The following FAH variants were observed in gnomAD, a reference collection of about 807,000 sequenced individuals.
FAH encodes the protein fumarylacetoacetate hydrolase, also known as fumarylacetoacetase.
In FAH, 47 loss-of-function variants were observed where a neutral mutation model predicts 55.8. The observed-to-expected ratio is 0.84, with a 90% confidence interval of 0.67 to 1.07. The LOEUF (loss-of-function observed/expected upper bound fraction) is 1.07, where lower values mean the gene tolerates loss of function less well. FAH is among the 50% of genes least tolerant of loss of function. The pLI is 0.00. For synonymous variants in FAH, 199 were observed against 207.7 expected (o/e 0.96, Z 0.36); for missense variants, 495 against 545.9 (o/e 0.91, Z 0.93).
chr15:80,185,132 A>G (rs1051758395), intron 13 of FAH, among the ~76,000 whole-genome samples: 9 of 152,138 alleles, frequency 5.9e-5, no homozygotes, highest in African/African-American at 2.2e-4. Flanking sequence ...AATCCTTACA[A>G]CCTTGAGAGA....
At chr15:80,159,340 T>C (rs1428921085) in intron 2 of FAH, among the ~76,000 whole-genome samples, 1 of 151,992 alleles carries the variant, frequency 6.6e-6, no homozygotes, top group African/African-American at 2.4e-5. Context: ...CCCAATGTGC[T>C]GGGATTACAG....
Position 80,180,225 on chromosome 15 carries a change from GGTGA to G in FAH, c.1062+3_1062+6del. ...TGGCTTCTGGGACCATCAGCGGGCC[GGTGA>G]GTATCTGGCTGCACTGAGGGCTGCC... is the stretch of plus-strand genomic sequence containing the variant. On this transcript the variant is annotated splice_donor_variant and splice_donor_region_variant and intron_variant, in intron 12 of 13. Coordinates refer to ENST00000561421, the MANE Select transcript of FAH (RefSeq NM_000137.4). LOFTEE classifies it high-confidence loss of function. 6.2e-7 allele frequency: 1 copy of G among 1,604,214 alleles called. No homozygotes were observed. Among genetic ancestry groups the G allele is most frequent in the Non-Finnish European group, 8.5e-7 (1 of 1,179,114 alleles).
At chr15:80,166,635 CTTTTTTTTTTT>C (rs768001652) in intron 5 of FAH, among the ~76,000 whole-genome samples, 5 of 118,340 alleles carry the variant, frequency 4.2e-5, no homozygotes, top group South Asian at 2.8e-4. Flanking sequence ...TTTGCATTTT[CTTTTTTTTTTT>C]TTTTTTTTGA....
chr15:80,165,083 A>G (rs2041180044), intron 5 of FAH, among the ~76,000 whole-genome samples: 1 of 152,338 alleles, frequency 6.6e-6, no homozygotes, highest in East Asian at 1.9e-4. Flanking sequence ...TCATTTTTAT[A>G]AAAAGATACA....
chr15:80,180,601 G>A (rs145723479), intron 12 of FAH, among the ~76,000 whole-genome samples: 141 of 152,290 alleles, frequency 9.3e-4, no homozygotes, highest in Middle Eastern at 3.4e-3. Flanking sequence ...GTAAGCCTGC[G>A]GGAGTCACAG....
chr15:80,177,171 G>A (rs1269484356), intron 10 of FAH, among the ~76,000 whole-genome samples: 1 of 152,218 alleles, frequency 6.6e-6, no homozygotes, highest in Non-Finnish European at 1.5e-5. Flanking sequence ...GGGACAGCAG[G>A]TTATCCTTGA....
intron 11 of FAH, among the ~76,000 whole-genome samples, chr15:80,179,322 T>C (rs1031233027): frequency 1.3e-5 from 2 of 152,262 alleles, no homozygotes; most frequent in Non-Finnish European, 2.9e-5. Context: ...CTCTGAATCA[T>C]TGAACTATTT....
chr15:80,183,586 C>A (rs1177724109), intron 13 of FAH, among the ~76,000 whole-genome samples: 1 of 152,226 alleles, frequency 6.6e-6, no homozygotes, highest in Non-Finnish European at 1.5e-5. Context: ...TCCTTCTCTG[C>A]ACCTGCTCAG....
intron 13 of FAH, among the ~76,000 whole-genome samples, chr15:80,182,539 A>C (rs568291096): frequency 7.5e-4 from 114 of 152,206 alleles, no homozygotes; most frequent in Non-Finnish European, 1.3e-3. Flanking sequence ...CAGCCTAATT[A>C]TACCTCTCTA....
chr15:80,181,736 C>G (rs2041332750), intron 13 of FAH, among the ~76,000 whole-genome samples: 1 of 152,040 alleles, frequency 6.6e-6, no homozygotes. Flanking sequence ...CTCAGTTTAC[C>G]TCATCTTTAA....
chr15:80,178,620 G>A (rs981800227), intron 11 of FAH, among the ~76,000 whole-genome samples: 2 of 146,432 alleles, frequency 1.4e-5, no homozygotes, highest in East Asian at 2.0e-4. Context: ...AGTCTCGCTC[G>A]TTGCCCAGGC....
At chr15:80,170,606 C>A (rs2041232468) in intron 7 of FAH, among the ~76,000 whole-genome samples, 1 of 152,202 alleles carries the variant, frequency 6.6e-6, no homozygotes, top group African/African-American at 2.4e-5. Context: ...GCATCTGAGC[C>A]CTGGTTTGGG....
chr15:80,162,505 C>T (rs1454798835), intron 5 of FAH, 169 bp downstream of exon 5: 4 of 697,550 alleles, frequency 5.7e-6, no homozygotes, highest in East Asian at 5.4e-5. Flanking sequence ...GTCTCCTGCT[C>T]AGCTTGGCTT....
chr15:80,172,878 G>T, intron 8 of FAH, 136 bp from the exon 9 acceptor site: 1 of 1,183,406 alleles, frequency 8.5e-7, no homozygotes, highest in Non-Finnish European at 1.3e-6. Flanking sequence ...TTTGTCCTGG[G>T]GCAGCCTGAC....
chr15:80,178,086 G>A (rs2041299000), intron 11 of FAH, among the ~76,000 whole-genome samples: 1 of 152,104 alleles, frequency 6.6e-6, no homozygotes, highest in African/African-American at 2.4e-5. Flanking sequence ...TGTGGTCCCG[G>A]CTACTTGGGA....
rs147099660 is a variant in FAH at position 80,173,103 on chromosome 15, A to G, written c.796A>G (p.Met266Val). 2.5e-6 allele frequency: 4 copies of G among 1,614,178 alleles called. No individual in the cohort carries two copies. Among genetic ancestry groups the G allele is most frequent in the Admixed American group, 1.7e-5 (1 of 60,024 alleles). Residue 266 changes from methionine (M) to valine (V), a missense_variant, in exon 9 of 14, where the codon ATG (methionine) becomes GTG (valine). Coordinates refer to ENST00000561421, the MANE Select transcript of FAH (RefSeq NM_000137.4). ...GTTVSPWVVP[M>V]DALMPFAVPN... ...CACTGTCTCTCCGTGGGTGGTGCCC[A>G]TGGATGCTCTCATGCCCTTTGCTGT...
chr15:80,153,171 G>GGGGAGT lies in FAH; in HGVS notation c.81+38_81+39insGAGTGG, dbSNP rs1555440094. ...GGGCTTTGGCGTCCGGGCGCGGGGA[G>GGGGAGT]GGAGTGGAGTGGAGTGGAGTGGAGT... On this transcript the variant is annotated intron_variant, in intron 1 of 13. Coordinates refer to ENST00000561421, the MANE Select transcript of FAH (RefSeq NM_000137.4). 9,746 of 1,250,084 alleles carry GGGGAGT rather than the reference G, an allele frequency of 7.8e-3. 707 individuals carry two copies. In the African/African-American group the frequency reaches 0.13, roughly 17 times the overall value. The allele number at this position is 1,250,084 out of a possible 1,614,324, so 77.4% of individuals were successfully genotyped here.
chr15:80,180,320 T>A (rs2041320572), intron 12 of FAH, 95 bp downstream of exon 12: 1 of 984,310 alleles, frequency 1.0e-6, no homozygotes, highest in Admixed American at 1.9e-5. Flanking sequence ...AGAAGAGATT[T>A]CAGGCCCGAG....
At chr15:80,169,425 C>T (rs1026004648) in intron 7 of FAH, among the ~76,000 whole-genome samples, 1 of 152,070 alleles carries the variant, frequency 6.6e-6, no homozygotes, top group Non-Finnish European at 1.5e-5. Context: ...TAATAATTAC[C>T]ACGAGTGACA....
Sources: gnomAD v4.1 joint callset for allele counts (sites outside exome capture counted in the v4.1 genomes callset) on GRCh38, gnomAD v4.1.1 for gene constraint, MANE v1.5 for transcripts, NCBI Gene and HGNC (gene_info 2026-07-23, HGNC 2026-07-21) for gene names.